ARHGAP15: variants seen among roughly 807,000 people sequenced by gnomAD.
ARHGAP15 encodes Rho GTPase activating protein 15.
A neutral mutation model predicts 63.7 loss-of-function variants in ARHGAP15; 51 were observed. The observed-to-expected ratio is 0.80, with a 90% CI of 0.64 to 1.01. The LOEUF is 1.01. Among genes scored for constraint, ARHGAP15 ranks in the 50% least tolerant of loss-of-function variants. ARHGAP15 has a pLI of 0.00. For missense variants in ARHGAP15, 560 were observed against 564.6 expected (o/e 0.99, Z 0.08); for synonymous variants, 191 against 193.8 (o/e 0.99, Z 0.12).
In ARHGAP15 at chr2:143,259,534, A is replaced by G. The variant is rs1378251318; in HGVS notation, c.474+8934A>G. Among the ~76,000 whole-genome samples, 4 of 152,220 alleles carry G rather than the reference A, an allele frequency of 2.6e-5. No homozygotes were observed. The East Asian group carries it at 5.8e-4, about 22-fold the overall frequency. The stretch of plus-strand genomic sequence containing the variant: ...GGAAATCTTAGATGGACTGCAAAGA[A>G]TGCTGCATTATTCATAAAAGCATTG... On this transcript the variant is annotated intron_variant, in intron 6 of 13. Coordinates refer to ENST00000295095, the MANE Select transcript of ARHGAP15 (RefSeq NM_018460.4).
intron 9 of ARHGAP15, among the ~76,000 whole-genome samples, chr2:143,492,083 T>C (rs1052764822): frequency 1.3e-5 from 2 of 152,284 alleles, no homozygotes; most frequent in African/African-American, 4.8e-5. Flanking sequence ...GGTTTCACCA[T>C]GTTGCCCAGC....
At chr2:143,188,473 A>G (rs1691533905) in intron 2 of ARHGAP15, among the ~76,000 whole-genome samples, 1 of 151,818 alleles carries the variant, frequency 6.6e-6, no homozygotes, top group South Asian at 2.1e-4. Context: ...CTTTTAAAAA[A>G]TTTCCTCCCA....
chr2:143,260,772 T>A (rs944378631), intron 6 of ARHGAP15, among the ~76,000 whole-genome samples: 3 of 152,164 alleles, frequency 2.0e-5, no homozygotes, highest in African/African-American at 7.2e-5. Context: ...TAAAAATAAT[T>A]CCTTCTTCAA....
chr2:143,469,544 G>T (rs775489389), intron 8 of ARHGAP15, among the ~76,000 whole-genome samples: 2 of 151,222 alleles, frequency 1.3e-5, no homozygotes, highest in African/African-American at 2.4e-5. Flanking sequence ...CGCAAGTTCG[G>T]ACATGACACC....
intron 6 of ARHGAP15, among the ~76,000 whole-genome samples, chr2:143,377,202 A>G (rs947374148): frequency 2.6e-5 from 4 of 152,016 alleles, no homozygotes; most frequent in South Asian, 2.1e-4. Flanking sequence ...AATCCAGCCA[A>G]TACTTACCAA....
At chr2:143,397,566 A>C (rs1381820314) in intron 6 of ARHGAP15, among the ~76,000 whole-genome samples, 1 of 142,174 alleles carries the variant, frequency 7.0e-6, no homozygotes, top group Non-Finnish European at 1.5e-5. Context: ...GGCAAAAAAA[A>C]ACGAAGAAGA....
intron 8 of ARHGAP15, among the ~76,000 whole-genome samples, chr2:143,486,408 C>CAA (rs35904219): frequency 2.0e-4 from 26 of 133,330 alleles, no homozygotes; most frequent in Admixed American, 3.1e-4. Context: ...CCATTTCTAC[C>CAA]AAAAAAAAAA....
At chr2:143,435,574 T>G (rs1689573631) in intron 6 of ARHGAP15, 27 bp from the exon 7 acceptor site, 3 of 1,441,434 alleles carry the variant, frequency 2.1e-6, no homozygotes, top group Admixed American at 6.0e-5. Context: ...ACCTGTCTAT[T>G]TCTTTTTCTT....
intron 12 of ARHGAP15, among the ~76,000 whole-genome samples, chr2:143,656,934 G>GGTGTGTGTGTGTGAGTGTGTGTGTGT (rs1681468341): frequency 6.9e-6 from 1 of 144,936 alleles, no homozygotes; most frequent in African/African-American, 2.5e-5. Flanking sequence ...CAAAGTTTCT[G>GGTGTGTGTGTGTGAGTGTGTGTGTGT]GTGTGTGTGT....
chr2:143,720,390 T>G (rs528097096), intron 13 of ARHGAP15, among the ~76,000 whole-genome samples: 1 of 152,276 alleles, frequency 6.6e-6, no homozygotes, highest in East Asian at 1.9e-4. Context: ...CCACGGGAAC[T>G]TTAATGACCA....
chr2:143,250,420 G>A lies in ARHGAP15; in HGVS notation c.385-91G>A, dbSNP rs112394134. The A allele has an allele frequency of 4.3e-5, 41 of 964,098 alleles. No individual in the cohort carries two copies. In the African/African-American group the frequency reaches 4.3e-4, roughly 10 times the overall value. The allele number at this position is 964,098 out of a possible 1,614,324, so 59.7% of individuals were successfully genotyped here. ...AAAAAAGGCATTATATCATAAATAT[G>A]TATAGCTGCTAACTCAATAAACTCC... On this transcript the variant is annotated intron_variant, in intron 5 of 13. Coordinates refer to ENST00000295095, the MANE Select transcript of ARHGAP15 (RefSeq NM_018460.4).
intron 6 of ARHGAP15, among the ~76,000 whole-genome samples, chr2:143,433,523 AG>A (rs1046058454): frequency 6.6e-6 from 1 of 152,110 alleles, no homozygotes; most frequent in African/African-American, 2.4e-5. Context: ...ATTTGGACAA[AG>A]GAACTTTTAA....
chr2:143,300,245 G>A (rs1327975249), intron 6 of ARHGAP15, among the ~76,000 whole-genome samples: 1 of 151,988 alleles, frequency 6.6e-6, no homozygotes, highest in Non-Finnish European at 1.5e-5. Flanking sequence ...AACAGATTTG[G>A]CACATTCAAA....
chr2:143,551,614 T>C (rs751311492), intron 10 of ARHGAP15, among the ~76,000 whole-genome samples: 1 of 152,184 alleles, frequency 6.6e-6, no homozygotes, highest in Non-Finnish European at 1.5e-5. Flanking sequence ...ATTTTTAGAA[T>C]GGTTTTTATG....
intron 12 of ARHGAP15, among the ~76,000 whole-genome samples, chr2:143,645,825 A>G (rs977249418): frequency 1.3e-5 from 2 of 152,048 alleles, no homozygotes; most frequent in African/African-American, 4.8e-5. Flanking sequence ...TTTTTTAAAA[A>G]ATATTTTTTA....
chr2:143,373,369 G>A (rs149245556), intron 6 of ARHGAP15, among the ~76,000 whole-genome samples: 2,265 of 152,172 alleles, frequency 0.015, 28 homozygotes, highest in Middle Eastern at 0.099. Context: ...GGTGGCTCAC[G>A]CCTGTAATCC....
At chr2:143,130,472 A>C (rs1688877100) in intron 1 of ARHGAP15, among the ~76,000 whole-genome samples, 1 of 152,066 alleles carries the variant, frequency 6.6e-6, no homozygotes. Flanking sequence ...TGGATGGGAG[A>C]AGTGATGGCC....
intron 6 of ARHGAP15, among the ~76,000 whole-genome samples, chr2:143,315,212 T>G (rs1683644896): frequency 6.6e-6 from 1 of 152,220 alleles, no homozygotes. Flanking sequence ...CAGATGCTAT[T>G]AATTGATAAT....
chr2:143,200,124 C>T (rs892231591), intron 2 of ARHGAP15, among the ~76,000 whole-genome samples: 4 of 152,130 alleles, frequency 2.6e-5, no homozygotes, highest in African/African-American at 9.7e-5. Flanking sequence ...TGTGAGACAA[C>T]TTCCCTCAAA....
Sources: allele counts gnomAD v4.1 joint callset (sites outside exome capture counted in the v4.1 genomes callset), GRCh38; gene constraint gnomAD v4.1.1; transcripts MANE v1.5; gene names NCBI Gene and HGNC (gene_info 2026-07-23, HGNC 2026-07-21).